Variants in CDH26 observed in about 807,000 individuals in gnomAD.
The protein encoded by CDH26 is cadherin-like protein 26.
Under a neutral mutation model 90.3 loss-of-function variants are expected in CDH26, and 83 were observed. That is an observed-to-expected ratio of 0.92 (90% CI 0.77 to 1.10). The LOEUF is 1.10. Among genes scored for constraint, CDH26 ranks in the 50% least tolerant of loss-of-function variants. The probability of loss-of-function intolerance (pLI) is 0.00; values close to 1 mark genes in which losing one functional copy is unlikely to be tolerated. For missense variants in CDH26, 1,013 were observed against 1,037.6 expected (o/e 0.98, Z 0.33); for synonymous variants, 397 against 396.3 (o/e 1.00, Z -0.02).
In CDH26 at chr20:59,999,594, A is replaced by G; in HGVS notation, c.2028A>G (p.Ser676=). ...TTCTCTGTGTTCTACAGACATGGTC[A>G]GATGTTGAAGGCCAGAGGCCGGCTC... The part of the protein sequence containing the change: ...ESKGTSAQTW[S]DVEGQRPALL... Residue 676 remains serine, a synonymous_variant, in exon 14 of 18, where the codon TCA becomes TCG. Coordinates refer to ENST00000348616, the MANE Select transcript of CDH26 (RefSeq NM_177980.4). The G allele has an allele frequency of 6.2e-7, 1 of 1,613,956 alleles. No individual in the cohort carries two copies. The highest frequency in any genetic ancestry group is 8.5e-7 in the Non-Finnish European group (1 of 1,179,870).
chr20:59,989,189 G>A (rs767045457), intron 9 of CDH26, 26 bp downstream of exon 9: 3 of 1,611,510 alleles, frequency 1.9e-6, no homozygotes, highest in Non-Finnish European at 2.5e-6. Flanking sequence ...CAAGAAGGGC[G>A]GTTGTTTAAG....
chr20:59,969,935 T>G, intron 2 of CDH26, 147 bp from the exon 3 acceptor site: 1 of 1,242,636 alleles, frequency 8.0e-7, no homozygotes, highest in Non-Finnish European at 1.1e-6. Context: ...GCACTTGGGT[T>G]TTCCAAGCTT....
At chr20:59,971,917 A>T in intron 3 of CDH26, 45 bp from the exon 4 acceptor site, 3 of 1,494,246 alleles carry the variant, frequency 2.0e-6, no homozygotes, top group Non-Finnish European at 2.8e-6. Context: ...ATAGTGGCTT[A>T]TTCTCATCCT....
chr20:60,017,156 T>C (rs542993015), downstream of CDH26, among the ~76,000 whole-genome samples: 27 of 152,188 alleles, frequency 1.8e-4, no homozygotes, highest in African/African-American at 6.3e-4. Flanking sequence ...CTATCTCTAC[T>C]TGTTTTGTGG....
chr20:60,019,280 G>A (rs1008991841), downstream of CDH26, among the ~76,000 whole-genome samples: 6 of 152,102 alleles, frequency 3.9e-5, no homozygotes, highest in African/African-American at 1.4e-4. Flanking sequence ...ATGTTTCCAG[G>A]TATTATTCCA....
rs369998600 is a variant in CDH26, at chr20:59,995,841, G to T, written c.1675G>T (p.Val559Phe). 6.2e-7 allele frequency: 1 copy of T among 1,613,938 alleles called. No individual in the cohort carries two copies. Among genetic ancestry groups the T allele is most frequent in the African/African-American group, 1.3e-5 (1 of 74,938 alleles). The change falls in exon 12 of 18, where the codon GTT becomes TTT. Residue 559 changes from valine (V) to phenylalanine (F), a missense_variant. Transcript: ENST00000348616. Reference protein sequence around the residue: ...WKLGRNWGQSVELLTLRSLPR... With the variant: ...WKLGRNWGQSFELLTLRSLPR... ...TCTTTTTCCCTTTGCAGGTCAATCA[G>T]TTGAACTTTTAACCTTGAGAAGCCT...
chr20:60,001,308 A>G (rs368541350), intron 14 of CDH26, 35 bp from the exon 15 acceptor site: 509 of 1,612,644 alleles, frequency 3.2e-4, no homozygotes, highest in Non-Finnish European at 4.0e-4. Context: ...AGAGAAATCC[A>G]TTCTCTTTTG....
At chr20:60,015,044 G>A (rs549098671), downstream of CDH26, among the ~76,000 whole-genome samples, 3 of 152,316 alleles carry the variant, frequency 2.0e-5, no homozygotes, top group East Asian at 1.9e-4. Flanking sequence ...GTGCAGTAGT[G>A]CAATCTCAGC....
chr20:59,993,802 C>G (rs1320119350), intron 10 of CDH26, among the ~76,000 whole-genome samples: 3 of 152,186 alleles, frequency 2.0e-5, no homozygotes, highest in African/African-American at 7.2e-5. Flanking sequence ...TCCTGAGTAT[C>G]CTTTGCCAGT....
chr20:59,979,084 T>C lies in CDH26; in HGVS notation c.394-3839T>C, dbSNP rs1056179715. On this transcript the variant is annotated intron_variant, in intron 4 of 17. Transcript: ENST00000348616. ...TACATTTACCTTGTTTAGAACATCA[T>C]AGAGACGGAGTCACACAATACATGG... is the stretch of plus-strand genomic sequence containing the variant. Among the ~76,000 whole-genome samples, 36 of 152,134 alleles carry C rather than the reference T, an allele frequency of 2.4e-4. 1 individual carries two copies. The highest frequency in any genetic ancestry group is 1.0e-4 in the Non-Finnish European group (7 of 68,028).
Position 60,001,286 on chromosome 20 carries a change from G to T in CDH26, c.2098-57G>T. 1.2e-6 allele frequency: 2 copies of T among 1,609,442 alleles called. No homozygotes were observed. The highest frequency in any genetic ancestry group is 1.7e-6 in the Non-Finnish European group (2 of 1,177,734). On this transcript the variant is annotated intron_variant, in intron 14 of 17. Coordinates refer to ENST00000348616, the MANE Select transcript of CDH26 (RefSeq NM_177980.4). ...GTGAGAGGTCACGCATGCCCACTTT[G>T]TTTCCAGCTGGAGAGAAATCCATTC...
intron 4 of CDH26, among the ~76,000 whole-genome samples, chr20:59,976,750 A>T (rs2061332789): frequency 6.6e-6 from 1 of 152,100 alleles, no homozygotes; most frequent in African/African-American, 2.4e-5. Flanking sequence ...CCTGCGCTAG[A>T]CGTAGGGGCT....
In CDH26 at chr20:60,002,804, T is replaced by C; in HGVS notation, c.2167-9T>C. ...TTTGAAATCAGTAAATATTTCATCT[T>C]TCTTTAAGGGTTATGGCAAGCCCTT... is the stretch of plus-strand genomic sequence containing the variant. On this transcript the variant is annotated splice_polypyrimidine_tract_variant and intron_variant, in intron 15 of 17. Coordinates refer to ENST00000348616, the MANE Select transcript of CDH26 (RefSeq NM_177980.4). The C allele has an allele frequency of 6.3e-7, 1 of 1,585,260 alleles. No homozygotes were observed. The highest frequency in any genetic ancestry group is 8.6e-7 in the Non-Finnish European group (1 of 1,163,372).
At chr20:59,962,458 T>C (rs2061087640) in intron 1 of CDH26, among the ~76,000 whole-genome samples, 1 of 152,192 alleles carries the variant, frequency 6.6e-6, no homozygotes, top group South Asian at 2.1e-4. Context: ...TGCAGCTACG[T>C]CACTCCAGTC....
intron 10 of CDH26, among the ~76,000 whole-genome samples, chr20:59,993,515 T>G (rs1020281641): frequency 1.3e-5 from 2 of 152,216 alleles, no homozygotes; most frequent in African/African-American, 4.8e-5. Flanking sequence ...CATACAGTAT[T>G]TGATTTTCTA....
intron 11 of CDH26, 104 bp downstream of exon 11, chr20:59,994,593 G>A: frequency 7.0e-7 from 1 of 1,423,292 alleles, no homozygotes; most frequent in Non-Finnish European, 9.4e-7. Flanking sequence ...AAACCGGAGA[G>A]GTCTGCGTTC....
intron 7 of CDH26, among the ~76,000 whole-genome samples, chr20:60,027,257 G>A (rs748739908): frequency 1.3e-5 from 2 of 152,130 alleles, no homozygotes; most frequent in African/African-American, 2.4e-5. Context: ...TGGTGGGAGG[G>A]TGATGGTCAT....
At chr20:60,018,702 CTTTTTTTTTTTTTTT>C (rs55994712), downstream of CDH26, among the ~76,000 whole-genome samples, 2 of 17,790 alleles carry the variant, frequency 1.1e-4, no homozygotes, top group African/African-American at 2.3e-4. Context: ...CTCTTACTGC[CTTTTTTTTTTTTTTT>C]TTTTTTTTTT....
intron 2 of CDH26, 50 bp downstream of exon 2, chr20:59,969,073 T>A (rs745971010): frequency 2.6e-6 from 3 of 1,170,990 alleles, no homozygotes; most frequent in Non-Finnish European, 3.8e-6. Flanking sequence ...TCTCTACACT[T>A]GACTTAGAGA....
Sources: allele counts gnomAD v4.1 joint callset (sites outside exome capture counted in the v4.1 genomes callset), GRCh38; gene constraint gnomAD v4.1.1; transcripts MANE v1.5; gene names NCBI Gene and HGNC (gene_info 2026-07-23, HGNC 2026-07-21).